NT5C3A: variants seen among roughly 807,000 people sequenced by gnomAD.
NT5C3A encodes cytosolic 5'-nucleotidase 3A.
Under a neutral mutation model 40.0 loss-of-function variants are expected in NT5C3A, and 23 were observed. The ratio of observed to expected loss-of-function variants is 0.58; its 90% CI spans 0.41 to 0.81. The LOEUF (loss-of-function observed/expected upper bound fraction) is 0.81, where lower values mean the gene tolerates loss of function less well. NT5C3A is among the 40% of genes least tolerant of loss of function. NT5C3A has a pLI of 0.00. For missense variants in NT5C3A, 328 were observed against 403.0 expected (o/e 0.81, Z 1.59); for synonymous variants, 130 against 141.4 (o/e 0.92, Z 0.57).
intron 4 of NT5C3A, 49 bp from the exon 5 acceptor site, chr7:33,021,406 C>T (rs72555743): frequency 6.3e-7 from 1 of 1,593,566 alleles, no homozygotes; most frequent in East Asian, 2.3e-5. Flanking sequence ...GAAAATAAAT[C>T]TGCTTGGTTT....
At chr7:33,023,404 G>A (rs1785742320) in intron 3 of NT5C3A, among the ~76,000 whole-genome samples, 1 of 151,888 alleles carries the variant, frequency 6.6e-6, no homozygotes, top group Non-Finnish European at 1.5e-5. Flanking sequence ...GATTACAGGT[G>A]CCCGCCACCA....
chr7:33,049,314 G>A (rs4723240), intron 1 of NT5C3A, among the ~76,000 whole-genome samples: 110,211 of 152,002 alleles, frequency 0.73, 40,222 homozygotes, highest in African/African-American at 0.79. Flanking sequence ...CTAGATAACT[G>A]GAAATTGAAG....
intron 1 of NT5C3A, among the ~76,000 whole-genome samples, chr7:33,055,639 C>A (rs995448320): frequency 6.6e-6 from 1 of 152,174 alleles, no homozygotes; most frequent in Non-Finnish European, 1.5e-5. Flanking sequence ...CATCTCACGA[C>A]CATGAAGAAA....
At chr7:33,021,395 T>G (rs1344999003) in intron 4 of NT5C3A, 38 bp from the exon 5 acceptor site, 1 of 1,600,148 alleles carries the variant, frequency 6.2e-7, no homozygotes, top group South Asian at 1.1e-5. Context: ...GAAGATTACT[T>G]GAAAATAAAT....
chr7:33,022,860 A>G (rs187362630), intron 3 of NT5C3A, among the ~76,000 whole-genome samples: 1 of 151,992 alleles, frequency 6.6e-6, no homozygotes, highest in Admixed American at 6.5e-5. Context: ...ACTGCATTTG[A>G]GATTATTAGA....
At chr7:33,025,200 T>C (rs894843373) in intron 2 of NT5C3A, among the ~76,000 whole-genome samples, 1 of 152,110 alleles carries the variant, frequency 6.6e-6, no homozygotes, top group South Asian at 2.1e-4. Context: ...ATCTGATTAA[T>C]TGGTATGGGA....
intron 1 of NT5C3A, among the ~76,000 whole-genome samples, chr7:33,045,428 A>G (rs1368025680): frequency 6.6e-6 from 1 of 152,214 alleles, no homozygotes; most frequent in Non-Finnish European, 1.5e-5. Flanking sequence ...ATAATCATTT[A>G]TCATATTTTT....
chr7:33,024,791 A>AAATATCACATGTACC (rs1186418685), intron 2 of NT5C3A, among the ~76,000 whole-genome samples: 1 of 152,218 alleles, frequency 6.6e-6, no homozygotes, highest in Non-Finnish European at 1.5e-5. Flanking sequence ...ATACATTTGA[A>AAATATCACATGTACC]AATATCACAT....
At chr7:33,015,980 A>G (rs2127992422) in intron 7 of NT5C3A, 110 bp from the exon 8 acceptor site, 3 of 765,698 alleles carry the variant, frequency 3.9e-6, no homozygotes, top group Non-Finnish European at 6.8e-6. Flanking sequence ...ATTTGTAAAT[A>G]CATCTTTGAT....
At chr7:33,052,671 C>T (rs1392146448) in intron 1 of NT5C3A, among the ~76,000 whole-genome samples, 3 of 151,930 alleles carry the variant, frequency 2.0e-5, no homozygotes, top group Admixed American at 6.6e-5. Context: ...CTGGCAGCAC[C>T]GATTCTATTA....
At chr7:33,060,184 C>T (rs988964375) in intron 1 of NT5C3A, among the ~76,000 whole-genome samples, 10 of 152,126 alleles carry the variant, frequency 6.6e-5, no homozygotes, top group Non-Finnish European at 1.5e-4. Context: ...AACTCCTGGG[C>T]TCAAGGGATC....
chr7:33,052,467 CAG>C (rs1396141592), intron 1 of NT5C3A, among the ~76,000 whole-genome samples: 3 of 113,520 alleles, frequency 2.6e-5, no homozygotes, highest in Non-Finnish European at 4.9e-5. Context: ...GCCTGGGCAA[CAG>C]AGAGAGACTC....
chr7:33,041,086 T>A (rs1416214736), intron 1 of NT5C3A: 2 of 984,878 alleles, frequency 2.0e-6, no homozygotes, highest in Non-Finnish European at 2.4e-6. Context: ...CTACATAACA[T>A]TATCAATTGA....
chr7:33,050,830 ACT>A (rs1443675903), intron 1 of NT5C3A, among the ~76,000 whole-genome samples: 1 of 152,260 alleles, frequency 6.6e-6, no homozygotes, highest in Non-Finnish European at 1.5e-5. Flanking sequence ...GGTTTAAGCA[ACT>A]CTGAGAGTTA....
chr7:33,026,306 G>A (rs142657083), intron 2 of NT5C3A, among the ~76,000 whole-genome samples: 15,535 of 138,022 alleles, frequency 0.11, 1,203 homozygotes, highest in Non-Finnish European at 0.17. Context: ...CCAGGATTGC[G>A]CCACTGCACT....
chr7:33,058,503 C>G (rs1268578361), intron 1 of NT5C3A, among the ~76,000 whole-genome samples: 1 of 152,158 alleles, frequency 6.6e-6, no homozygotes, highest in Non-Finnish European at 1.5e-5. Flanking sequence ...CCCGCCACGA[C>G]GCCCAACTAC....
At chr7:33,057,744 A>G (rs1787626045) in intron 1 of NT5C3A, among the ~76,000 whole-genome samples, 2 of 152,176 alleles carry the variant, frequency 1.3e-5, no homozygotes, top group Admixed American at 6.5e-5. Context: ...CTACTTAAGT[A>G]ATAGTTGACG....
intron 1 of NT5C3A, chr7:33,040,767 G>T: frequency 2.4e-6 from 1 of 409,012 alleles, no homozygotes; most frequent in Non-Finnish European, 3.3e-6. Flanking sequence ...TATTTCCTAA[G>T]TTTGTATTTC....
At chr7:33,059,506 T>C (rs1235679108) in intron 1 of NT5C3A, among the ~76,000 whole-genome samples, 1 of 152,216 alleles carries the variant, frequency 6.6e-6, no homozygotes, top group East Asian at 1.9e-4. Flanking sequence ...TAAAGTTATT[T>C]CTCCTTACAA....
Sources: allele counts gnomAD v4.1 joint callset (sites outside exome capture counted in the v4.1 genomes callset), GRCh38; gene constraint gnomAD v4.1.1; transcripts MANE v1.5; gene names NCBI Gene and HGNC (gene_info 2026-07-23, HGNC 2026-07-21).